The following PCDHGB1 variants were observed in gnomAD, a reference collection of about 807,000 sequenced individuals.
The protein encoded by PCDHGB1 is protocadherin gamma-B1.
A neutral mutation model predicts 56.6 loss-of-function variants in PCDHGB1; 34 were observed. That is an observed-to-expected ratio of 0.60 (90% CI 0.46 to 0.80). PCDHGB1 has a LOEUF of 0.80. PCDHGB1 is among the 30% of genes least tolerant of loss of function. PCDHGB1 has a pLI of 0.00. For synonymous variants in PCDHGB1, 561 were observed against 505.9 expected (o/e 1.11, Z -1.46); for missense variants, 1,278 against 1,204.6 (o/e 1.06, Z -0.90).
At chr5:141,366,048 C>G (rs777611384) in intron 1 of PCDHGB1, 4 of 1,614,262 alleles carry the variant, frequency 2.5e-6, no homozygotes, top group Middle Eastern at 1.6e-4. Context: ...GACGGTTCCA[C>G]GGGCGTGGAG....
intron 1 of PCDHGB1, chr5:141,398,612 T>C (rs756084003): frequency 2.5e-6 from 4 of 1,614,024 alleles, no homozygotes; most frequent in East Asian, 2.2e-5. Flanking sequence ...GATGCAGATA[T>C]TGGCTTAAAC....
At chr5:141,384,730 G>A (rs752038561) in intron 1 of PCDHGB1, 2 of 1,614,092 alleles carry the variant, frequency 1.2e-6, no homozygotes, top group East Asian at 2.2e-5. Context: ...CCTGCTTAAG[G>A]CCAGCGAGCC....
rs1015821056 is a variant in PCDHGB1 at position 141,397,642 on chromosome 5, T to C, written c.2409+44973T>C. On this transcript the variant is annotated intron_variant, in intron 1 of 3. Coordinates refer to ENST00000523390, the MANE Select transcript of PCDHGB1 (RefSeq NM_018922.3). Reference sequence around the variant, plus strand: ...TAGTTCTAGCTAAGAGTTCAAGGTATGTTTGCAGAATGGTGAAAGAATGGA... The same window carrying C: ...TAGTTCTAGCTAAGAGTTCAAGGTACGTTTGCAGAATGGTGAAAGAATGGA... Among the ~76,000 whole-genome samples, 3 of 152,236 alleles carry C rather than the reference T, an allele frequency of 2.0e-5. No individual in the cohort carries two copies. The East Asian group carries it at 5.8e-4, about 29-fold the overall frequency.
At chr5:141,483,917 T>A (rs565465724) in intron 1 of PCDHGB1, among the ~76,000 whole-genome samples, 2 of 151,262 alleles carry the variant, frequency 1.3e-5, no homozygotes, top group South Asian at 4.2e-4. Context: ...CCCACTCAGA[T>A]TGCAGGTCGT....
chr5:141,407,505 T>TTTTTTTTTTTTTTTTTTTTTTTTTTTTTG (rs1460306566), intron 1 of PCDHGB1, among the ~76,000 whole-genome samples: 2 of 152,144 alleles, frequency 1.3e-5, no homozygotes, highest in Non-Finnish European at 1.5e-5. Context: ...CTGTTTTTCT[T>TTTTTTTTTTTTTTTTTTTTTTTTTTTTTG]AGGCTATGTA....
At chr5:141,430,392 A>G (rs2097281137) in intron 1 of PCDHGB1, among the ~76,000 whole-genome samples, 1 of 152,136 alleles carries the variant, frequency 6.6e-6, no homozygotes, top group Non-Finnish European at 1.5e-5. Context: ...GGAAAAAAAA[A>G]AAAAGCTCAC....
intron 1 of PCDHGB1, chr5:141,415,542 T>C (rs770960227): frequency 1.2e-5 from 19 of 1,614,056 alleles, no homozygotes; most frequent in Non-Finnish European, 9.3e-6. Context: ...AGGAGAGCTG[T>C]GAGAAAAACG....
At chr5:141,468,024 T>C (rs1386255481) in intron 1 of PCDHGB1, among the ~76,000 whole-genome samples, 1 of 152,046 alleles carries the variant, frequency 6.6e-6, no homozygotes, top group African/African-American at 2.4e-5. Flanking sequence ...TGAAGTAAAA[T>C]ACTTCATTTA....
intron 1 of PCDHGB1, chr5:141,366,752 G>A: frequency 1.2e-6 from 2 of 1,607,644 alleles, no homozygotes; most frequent in Non-Finnish European, 1.7e-6. Flanking sequence ...GCGAGTTCAG[G>A]TTAGTTTTCT....
chr5:141,432,586 C>T lies in PCDHGB1; in HGVS notation c.2410-62221C>T. The T allele has an allele frequency of 1.9e-6, 3 of 1,613,852 alleles. No homozygotes were observed. Among genetic ancestry groups the T allele is most frequent in the Non-Finnish European group, 2.5e-6 (3 of 1,179,972 alleles). On this transcript the variant is annotated intron_variant, in intron 1 of 3. Transcript: ENST00000523390. The surrounding 1 kb of genome is among the most constrained non-coding windows in gnomAD (Gnocchi z 6.0). ...ACGCCTGGCTGTCCTACCGTCTGCT[C>T]AAGGCCAGCGAGCCGGGACTCTTCT...
chr5:141,441,136 GA>G (rs1379465827), intron 1 of PCDHGB1: 2 of 152,304 alleles, frequency 1.3e-5, no homozygotes, highest in Middle Eastern at 3.4e-3. Flanking sequence ...CGAATTTCTA[GA>G]AGATAATGAC....
In PCDHGB1 at chr5:141,491,492, T is replaced by G. The variant is rs763487622; in HGVS notation, c.2410-3315T>G. On this transcript the variant is annotated intron_variant, in intron 1 of 3. Coordinates refer to ENST00000523390, the MANE Select transcript of PCDHGB1 (RefSeq NM_018922.3). This position sits in a 1 kb window ranked among gnomAD's most constrained non-coding sequence, Gnocchi z 6.9. ...AAGCAGTCCAGCCCCAACCTGCAGG[T>G]GAGCTCGGACGGCACGCTCAAGTAC... 3.1e-6 allele frequency: 5 copies of G among 1,614,024 alleles called. No homozygotes were observed. The highest frequency in any genetic ancestry group is 3.4e-6 in the Non-Finnish European group (4 of 1,180,006).
chr5:141,394,252 A>G, intron 1 of PCDHGB1: 1 of 1,613,902 alleles, frequency 6.2e-7, no homozygotes, highest in Non-Finnish European at 8.5e-7. Flanking sequence ...CACGACCCCG[A>G]CAGCCAGGAG....
Position 141,476,642 on chromosome 5 carries a change from C to G in PCDHGB1, c.2410-18165C>G. 6.2e-7 allele frequency: 1 copy of G among 1,614,240 alleles called. No homozygotes were observed. The highest frequency in any genetic ancestry group is 8.5e-7 in the Non-Finnish European group (1 of 1,180,050). ...CTCTTTACAAACCTATGAGCTGAGC[C>G]GAAATGAATACTTTGCGCTTCGCGT... On this transcript the variant is annotated intron_variant, in intron 1 of 3. Transcript: ENST00000523390. This position sits in a 1 kb window ranked among gnomAD's most constrained non-coding sequence, Gnocchi z 7.6.
At chr5:141,481,592 C>T (rs765060653) in intron 1 of PCDHGB1, among the ~76,000 whole-genome samples, 2 of 152,112 alleles carry the variant, frequency 1.3e-5, no homozygotes, top group East Asian at 1.9e-4. Context: ...CTGAGGCCAG[C>T]GGATCACCTG....
In PCDHGB1 at chr5:141,361,360, G is replaced by C. The variant is rs772255956; in HGVS notation, c.2409+8691G>C. On this transcript the variant is annotated intron_variant, in intron 1 of 3. Transcript: ENST00000523390. ...CTATTACAAACTAGTGACAGACGGC[G>C]CTCTGGACCGGGAGGAGATCCCAGA... is the stretch of plus-strand genomic sequence containing the variant. 1.2e-5 allele frequency: 20 copies of C among 1,613,944 alleles called. No homozygotes were observed. The highest frequency in any genetic ancestry group is 1.7e-5 in the Non-Finnish European group (20 of 1,179,886).
chr5:141,391,303 ATTCTTTTTTTT>A (rs2092340493), intron 1 of PCDHGB1: 1 of 150,682 alleles, frequency 6.6e-6, no homozygotes, highest in South Asian at 2.1e-4. Flanking sequence ...ACGTCTTTCG[ATTCTTTTTTTT>A]TTCTTTTTTT....
chr5:141,473,479 G>A (rs1417960508), intron 1 of PCDHGB1, among the ~76,000 whole-genome samples: 1 of 152,118 alleles, frequency 6.6e-6, no homozygotes, highest in Non-Finnish European at 1.5e-5. Flanking sequence ...AAGTTCAATG[G>A]AAAAAATATA....
chr5:141,393,635 C>A (rs370544677), intron 1 of PCDHGB1: 1 of 1,613,750 alleles, frequency 6.2e-7, no homozygotes, highest in African/African-American at 1.3e-5. Context: ...AGGGAATCAA[C>A]GGAAAAGTGG....
Sources: allele counts gnomAD v4.1 joint callset (sites outside exome capture counted in the v4.1 genomes callset), GRCh38; gene constraint gnomAD v4.1.1; non-coding constraint Gnocchi (gnomAD v3.1); transcripts MANE v1.5; gene names NCBI Gene and HGNC (gene_info 2026-07-23, HGNC 2026-07-21).